AGMO: variants seen among roughly 807,000 people sequenced by gnomAD.
The protein encoded by AGMO is alkylglycerol monooxygenase, also known as glyceryl-ether monooxygenase.
AGMO carries 75 observed loss-of-function variants against 60.2 expected under a neutral mutation model. The ratio of observed to expected loss-of-function variants is 1.25; its 90% CI spans 1.03 to 1.51. The LOEUF is 1.51. Ranked by LOEUF, AGMO falls within the 40% of genes most tolerant of loss-of-function variation. The pLI, the probability that AGMO is intolerant of heterozygous loss-of-function variation, is 0.00. For synonymous variants in AGMO, 261 were observed against 177.1 expected, an observed-to-expected ratio of 1.47 and a Z score of -3.76; for missense variants, 763 against 525.5, an observed-to-expected ratio of 1.45 and a Z score of -4.42.
chr7:15,306,887 TG>T (rs1780631136), intron 12 of AGMO, among the ~76,000 whole-genome samples: 1 of 151,998 alleles, frequency 6.6e-6, no homozygotes, highest in Non-Finnish European at 1.5e-5. Context: ...ACAGAGGTAA[TG>T]AACTCTTTGT....
chr7:15,244,637 T>TG (rs1554400641), intron 12 of AGMO, among the ~76,000 whole-genome samples: 50 of 151,472 alleles, frequency 3.3e-4, no homozygotes, highest in African/African-American at 4.2e-4. Context: ...TCATTCTTTT[T>TG]TTTGTTTGTT....
chr7:15,263,837 C>T (rs1783353190), intron 12 of AGMO, among the ~76,000 whole-genome samples: 1 of 152,112 alleles, frequency 6.6e-6, no homozygotes, highest in Admixed American at 6.6e-5. Context: ...ATCGTATGTT[C>T]TCACTTACGT....
chr7:15,351,612 G>C (rs902141998), intron 12 of AGMO, among the ~76,000 whole-genome samples: 5 of 152,274 alleles, frequency 3.3e-5, no homozygotes, highest in East Asian at 1.9e-4. Context: ...GAAGTGCCAG[G>C]TGACAATCCA....
chr7:15,273,028 C>A (rs1473597251), intron 12 of AGMO, among the ~76,000 whole-genome samples: 1 of 152,036 alleles, frequency 6.6e-6, no homozygotes, highest in African/African-American at 2.4e-5. Context: ...TGGATATTAG[C>A]CCTTTGTCAG....
At chr7:15,294,719 T>G (rs1312843994) in intron 12 of AGMO, among the ~76,000 whole-genome samples, 1 of 151,970 alleles carries the variant, frequency 6.6e-6, no homozygotes, top group Non-Finnish European at 1.5e-5. Flanking sequence ...TAAACATAAT[T>G]GAGAATTGTT....
At chr7:15,432,682 A>T (rs1781288900) in intron 3 of AGMO, among the ~76,000 whole-genome samples, 1 of 151,880 alleles carries the variant, frequency 6.6e-6, no homozygotes, top group Non-Finnish European at 1.5e-5. Flanking sequence ...TTGGTGATTT[A>T]ATTATTTTAA....
chr7:15,325,452 T>G (rs1781308114), intron 12 of AGMO, among the ~76,000 whole-genome samples: 1 of 152,036 alleles, frequency 6.6e-6, no homozygotes, highest in South Asian at 2.1e-4. Flanking sequence ...AAAGCTTATT[T>G]TTAATTATTT....
At chr7:15,386,212 G>A (rs1467665547) in intron 9 of AGMO, among the ~76,000 whole-genome samples, 1 of 151,814 alleles carries the variant, frequency 6.6e-6, no homozygotes, top group East Asian at 1.9e-4. Flanking sequence ...GGTGATCTTG[G>A]CAGTGTAGGT....
chr7:15,357,099 G>A, intron 12 of AGMO, among the ~76,000 whole-genome samples: 1 of 150,868 alleles, frequency 6.6e-6, no homozygotes, highest in Non-Finnish European at 1.5e-5. Context: ...ACAGAAGCGA[G>A]ACTCTGTCTC....
the AGMO span, among the ~76,000 whole-genome samples, chr7:15,195,282 A>G: frequency 1.3e-5 from 2 of 152,224 alleles, no homozygotes. Flanking sequence ...GTTGAAGAGC[A>G]GAGGTTTAAT....
At chr7:15,145,443 T>C in the AGMO span, among the ~76,000 whole-genome samples, 1 of 152,102 alleles carries the variant, frequency 6.6e-6, no homozygotes, top group East Asian at 1.9e-4. Flanking sequence ...CAATAAAAAT[T>C]GACTATCTTC....
At chr7:15,156,623 T>C in the AGMO span, among the ~76,000 whole-genome samples, 1 of 152,174 alleles carries the variant, frequency 6.6e-6, no homozygotes, top group South Asian at 2.1e-4. Flanking sequence ...CACTCCACTT[T>C]TGTGTCATTT....
intron 3 of AGMO, among the ~76,000 whole-genome samples, chr7:15,543,044 C>T (rs1487795486): frequency 6.6e-6 from 1 of 152,096 alleles, no homozygotes; most frequent in East Asian, 1.9e-4. Flanking sequence ...TATTTGGTCA[C>T]ACTCACTCCT....
At chr7:15,218,548 T>A (rs1262041155) in intron 12 of AGMO, among the ~76,000 whole-genome samples, 1 of 151,598 alleles carries the variant, frequency 6.6e-6, no homozygotes, top group Non-Finnish European at 1.5e-5. Flanking sequence ...TCATTTCCTT[T>A]AAAAAAAATC....
chr7:15,414,639 A>AC (rs977134314), intron 5 of AGMO, among the ~76,000 whole-genome samples: 3 of 152,074 alleles, frequency 2.0e-5, no homozygotes, highest in African/African-American at 7.2e-5. Context: ...GCACAAATAT[A>AC]GGGGAAAAAA....
the AGMO span, among the ~76,000 whole-genome samples, chr7:15,140,603 G>C: frequency 3.0e-3 from 455 of 151,814 alleles, 2 homozygotes; most frequent in African/African-American, 8.8e-3. Flanking sequence ...CATATTGTTA[G>C]TAATTTCTTC....
chr7:15,557,462 T>C (rs1273052430), intron 2 of AGMO, among the ~76,000 whole-genome samples: 1 of 152,088 alleles, frequency 6.6e-6, no homozygotes, highest in African/African-American at 2.4e-5. Context: ...GGGATTCCCC[T>C]TGATGCTGTG....
intron 3 of AGMO, among the ~76,000 whole-genome samples, chr7:15,496,092 C>A (rs1305039409): frequency 6.6e-6 from 1 of 152,066 alleles, no homozygotes; most frequent in African/African-American, 2.4e-5. Flanking sequence ...AGGCAATAGT[C>A]TTGGATATAG....
At chr7:15,444,686 CT>C (rs992435298) in intron 3 of AGMO, among the ~76,000 whole-genome samples, 4 of 152,150 alleles carry the variant, frequency 2.6e-5, no homozygotes, top group Non-Finnish European at 5.9e-5. Context: ...AAAAGATCAA[CT>C]CTTGTTTTTC....
Sources: gnomAD v4.1 joint callset for allele counts (sites outside exome capture counted in the v4.1 genomes callset) on GRCh38, gnomAD v4.1.1 for gene constraint, MANE v1.5 for transcripts, NCBI Gene and HGNC (gene_info 2026-07-23, HGNC 2026-07-21) for gene names.